PCDHGA12: variants seen among roughly 807,000 people sequenced by gnomAD.
PCDHGA12 encodes protocadherin gamma subfamily A, 12, also known as protocadherin gamma-A12.
Under a neutral mutation model 61.1 loss-of-function variants are expected in PCDHGA12, and 43 were observed. The ratio of observed to expected loss-of-function variants is 0.70; its 90% CI spans 0.55 to 0.91. The LOEUF (loss-of-function observed/expected upper bound fraction) is 0.91. Ranked by LOEUF, PCDHGA12 falls within the 40% of genes least tolerant of loss-of-function variation. The probability of loss-of-function intolerance (pLI) is 0.00; values close to 1 mark genes in which losing one functional copy is unlikely to be tolerated. For synonymous variants in PCDHGA12, 520 were observed against 542.9 expected (o/e 0.96, Z 0.59); for missense variants, 1,236 against 1,227.7 (o/e 1.01, Z -0.10).
chr5:141,498,807 C>T (rs113587634), intron 2 of PCDHGA12, among the ~76,000 whole-genome samples: 5,552 of 152,138 alleles, frequency 0.036, 136 homozygotes, highest in South Asian at 0.073. Context: ...GTGGTGCACA[C>T]CTGTAGTCCC....
At chr5:141,437,668 G>A (rs72790049) in intron 1 of PCDHGA12, among the ~76,000 whole-genome samples, 16,651 of 151,822 alleles carry the variant, frequency 0.11, 1,007 homozygotes, top group African/African-American at 0.17. Context: ...TCGAAGAGAT[G>A]TTGATCAAAC....
In PCDHGA12 at chr5:141,489,872, T is replaced by A. The variant is rs2099693206; in HGVS notation, c.2425-4935T>A. 1 of 1,614,090 alleles carries A rather than the reference T, an allele frequency of 6.2e-7. No homozygotes were observed. The highest frequency in any genetic ancestry group is 8.5e-7 in the Non-Finnish European group (1 of 1,180,016). On this transcript the variant is annotated intron_variant, in intron 1 of 3. Coordinates refer to ENST00000252085, the MANE Select transcript of PCDHGA12 (RefSeq NM_003735.3). The surrounding 1 kb of genome is among the most constrained non-coding windows in gnomAD (Gnocchi z 4.5). ...GAAGCCCAGGCAAGACATCAGCTGG[T>A]GCTTACTGCTGTGGATGGGGGGACC...
At chr5:141,508,324 G>A (rs1668975090) in intron 3 of PCDHGA12, 1 of 151,252 alleles carries the variant, frequency 6.6e-6, no homozygotes, top group African/African-American at 2.4e-5. Flanking sequence ...GAGGGGCACT[G>A]GAGAACTGAC....
intron 2 of PCDHGA12, among the ~76,000 whole-genome samples, chr5:141,503,432 TA>T (rs1423418926): frequency 6.6e-6 from 1 of 151,668 alleles, no homozygotes; most frequent in African/African-American, 2.4e-5. Flanking sequence ...CCATCTCTAC[TA>T]AAAATACAAA....
chr5:141,473,626 G>A lies in PCDHGA12; in HGVS notation c.2425-21181G>A, dbSNP rs149882847. ...GCAAAGCAAAGGGAGGGAGGAAAAA[G>A]CAGCTTTCCTGGCAAAGGAACAATT... On this transcript the variant is annotated intron_variant, in intron 1 of 3. Transcript: ENST00000252085. Among the ~76,000 whole-genome samples, 1,234 of 152,276 alleles carry A rather than the reference G, an allele frequency of 8.1e-3. 14 individuals are homozygous for A. Among genetic ancestry groups the A allele is most frequent in the Non-Finnish European group, 0.011 (715 of 68,020 alleles).
chr5:141,475,903 G>C, intron 1 of PCDHGA12: 5 of 576,064 alleles, frequency 8.7e-6, no homozygotes, highest in Non-Finnish European at 1.5e-5. Context: ...TGCCGCTGTC[G>C]GCCAATGAAG....
intron 1 of PCDHGA12, among the ~76,000 whole-genome samples, chr5:141,473,873 C>CA (rs1471085914): frequency 2.6e-5 from 4 of 152,130 alleles, no homozygotes; most frequent in African/African-American, 7.2e-5. Flanking sequence ...GTGGAGAATG[C>CA]ATACACAAGG....
chr5:141,454,101 A>T (rs2098781558), intron 1 of PCDHGA12, among the ~76,000 whole-genome samples: 1 of 152,256 alleles, frequency 6.6e-6, no homozygotes. Flanking sequence ...ATTGAACATA[A>T]ATGGAGTTAT....
At chr5:141,466,965 C>A (rs1345790988) in intron 1 of PCDHGA12, among the ~76,000 whole-genome samples, 1 of 152,016 alleles carries the variant, frequency 6.6e-6, no homozygotes, top group East Asian at 1.9e-4. Context: ...CAAATATTTT[C>A]TCACAGCTCA....
chr5:141,481,502 T>G (rs1425241526), intron 1 of PCDHGA12, among the ~76,000 whole-genome samples: 1 of 152,232 alleles, frequency 6.6e-6, no homozygotes, highest in Non-Finnish European at 1.5e-5. Context: ...TTGCATGGTA[T>G]GTGAATTATG....
intron 1 of PCDHGA12, among the ~76,000 whole-genome samples, chr5:141,458,368 A>C (rs934670055): frequency 3.9e-5 from 6 of 152,112 alleles, no homozygotes; most frequent in Admixed American, 3.9e-4. Flanking sequence ...GAAGGAAGGG[A>C]GAAGAGAGAA....
At chr5:141,460,067 G>T (rs1168161575) in intron 1 of PCDHGA12, among the ~76,000 whole-genome samples, 1 of 151,996 alleles carries the variant, frequency 6.6e-6, no homozygotes, top group Non-Finnish European at 1.5e-5. Flanking sequence ...AACAGAGTGA[G>T]ACTTCATCTA....
Position 141,491,547 on chromosome 5 carries a change from G to C in PCDHGA12, c.2425-3260G>C. On this transcript the variant is annotated intron_variant, in intron 1 of 3. Coordinates refer to ENST00000252085, the MANE Select transcript of PCDHGA12 (RefSeq NM_003735.3). This position sits in a 1 kb window ranked among gnomAD's most constrained non-coding sequence, Gnocchi z 6.9. Reference sequence around the variant, plus strand: ...AGGTGACGCTGCGGCCCACAGACTCGCAGAGCCACTGCTACAGGACGTGCT... The same window carrying C: ...AGGTGACGCTGCGGCCCACAGACTCCCAGAGCCACTGCTACAGGACGTGCT... 6.2e-7 allele frequency: 1 copy of C among 1,613,974 alleles called. No individual in the cohort carries two copies. The highest frequency in any genetic ancestry group is 8.5e-7 in the Non-Finnish European group (1 of 1,180,022).
intron 1 of PCDHGA12, among the ~76,000 whole-genome samples, chr5:141,438,591 C>CATATATAT (rs946798767): frequency 3.4e-4 from 26 of 75,528 alleles, no homozygotes; most frequent in Non-Finnish European, 5.4e-4. Flanking sequence ...TACATACATA[C>CATATATAT]ATATATATAT....
chr5:141,510,821 C>G, intron 3 of PCDHGA12, 126 bp from the exon 4 acceptor site: 2 of 1,559,324 alleles, frequency 1.3e-6, no homozygotes, highest in Non-Finnish European at 1.7e-6. Context: ...CCCCTATATT[C>G]CCAGTGCTCA....
intron 3 of PCDHGA12, among the ~76,000 whole-genome samples, chr5:141,506,877 G>A (rs998146154): frequency 1.3e-5 from 2 of 152,142 alleles, no homozygotes; most frequent in Non-Finnish European, 2.9e-5. Flanking sequence ...AGAGAACCAG[G>A]TGAAATCACA....
chr5:141,446,458 G>A (rs2098502933), intron 1 of PCDHGA12, among the ~76,000 whole-genome samples: 1 of 151,662 alleles, frequency 6.6e-6, no homozygotes, highest in African/African-American at 2.4e-5. Flanking sequence ...TATTCAGTGT[G>A]TGATTAGACA....
rs774898388 is a variant in PCDHGA12, at chr5:141,491,593, A to G, written c.2425-3214A>G. 6.8e-6 allele frequency: 11 copies of G among 1,613,918 alleles called. No individual in the cohort carries two copies. In the Admixed American group the frequency reaches 1.2e-4, roughly 17 times the overall value. Reference sequence around the variant, plus strand: ...GTGCTTTTCACCGGCCTCGGACGGCAGTGACTTCACTTTTCTAAGACCCCT... The same window carrying G: ...GTGCTTTTCACCGGCCTCGGACGGCGGTGACTTCACTTTTCTAAGACCCCT... On this transcript the variant is annotated intron_variant, in intron 1 of 3. Transcript: ENST00000252085. This position sits in a 1 kb window ranked among gnomAD's most constrained non-coding sequence, Gnocchi z 6.9.
At chr5:141,469,743 A>G (rs1166798506) in intron 1 of PCDHGA12, among the ~76,000 whole-genome samples, 1 of 152,252 alleles carries the variant, frequency 6.6e-6, no homozygotes, top group Non-Finnish European at 1.5e-5. Context: ...CACCTCAAAA[A>G]TTACAAAAAT....
Sources: gnomAD v4.1 joint callset for allele counts (sites outside exome capture counted in the v4.1 genomes callset) on GRCh38, gnomAD v4.1.1 for gene constraint, Gnocchi (gnomAD v3.1) non-coding constraint, MANE v1.5 for transcripts, NCBI Gene and HGNC (gene_info 2026-07-23, HGNC 2026-07-21) for gene names.